NELL1: variants seen among roughly 807,000 people sequenced by gnomAD.
The protein encoded by NELL1 is neural EGFL like 1.
A neutral mutation model predicts 107.4 loss-of-function variants in NELL1; 76 were observed. That is an observed-to-expected ratio of 0.71 (90% CI 0.59 to 0.86). The LOEUF is 0.86. Among genes scored for constraint, NELL1 ranks in the 40% least tolerant of loss-of-function variants. NELL1 has a pLI of 0.00. For synonymous variants in NELL1, 353 were observed against 341.2 expected, an observed-to-expected ratio of 1.03 and a Z score of -0.38; for missense variants, 1,024 against 1,005.5, an observed-to-expected ratio of 1.02 and a Z score of -0.25.
chr11:21,001,987 C>G (rs1852232604), intron 12 of NELL1, among the ~76,000 whole-genome samples: 1 of 152,150 alleles, frequency 6.6e-6, no homozygotes, highest in South Asian at 2.1e-4. Context: ...GCCTTAGTAC[C>G]CCTGTAATAC....
intron 4 of NELL1, among the ~76,000 whole-genome samples, chr11:20,871,277 A>C (rs1267749797): frequency 6.6e-6 from 1 of 152,214 alleles, no homozygotes; most frequent in Non-Finnish European, 1.5e-5. Context: ...CCTGTGGCCC[A>C]AAGCCAGGCA....
intron 14 of NELL1, among the ~76,000 whole-genome samples, chr11:21,234,391 A>G (rs537274424): frequency 7.9e-5 from 12 of 152,302 alleles, no homozygotes; most frequent in African/African-American, 2.9e-4. Context: ...CTTCAGGCCC[A>G]TCTTGCCACT....
intron 14 of NELL1, among the ~76,000 whole-genome samples, chr11:21,288,329 T>G (rs1307857617): frequency 1.3e-5 from 2 of 152,206 alleles, no homozygotes; most frequent in Non-Finnish European, 2.9e-5. Flanking sequence ...AGGCTGCCTC[T>G]GTTTCCTGAG....
intron 12 of NELL1, among the ~76,000 whole-genome samples, chr11:21,089,501 C>T (rs1057266277): frequency 6.6e-6 from 1 of 152,130 alleles, no homozygotes; most frequent in Non-Finnish European, 1.5e-5. Flanking sequence ...AACAAACCCC[C>T]CTCAGTAGGA....
chr11:21,328,314 G>T (rs937124531), intron 14 of NELL1, among the ~76,000 whole-genome samples: 2 of 152,174 alleles, frequency 1.3e-5, no homozygotes, highest in Non-Finnish European at 2.9e-5. Flanking sequence ...TTGCTTTAGA[G>T]GGTGCAAGCC....
intron 10 of NELL1, among the ~76,000 whole-genome samples, chr11:20,943,017 A>T (rs1423526372): frequency 6.6e-6 from 1 of 150,948 alleles, no homozygotes; most frequent in Non-Finnish European, 1.5e-5. Context: ...TTACTGGCAC[A>T]TTGCAGTTGC....
At chr11:21,198,285 A>T (rs538288496) in intron 13 of NELL1, among the ~76,000 whole-genome samples, 1 of 152,340 alleles carries the variant, frequency 6.6e-6, no homozygotes, top group Non-Finnish European at 1.5e-5. Context: ...AAGCTGCCAG[A>T]CTTCTCACCT....
chr11:21,093,577 A>T (rs1437576465), intron 12 of NELL1, among the ~76,000 whole-genome samples: 3 of 152,186 alleles, frequency 2.0e-5, no homozygotes, highest in Admixed American at 6.6e-5. Context: ...GCTGATAAAG[A>T]CATACGAGAG....
chr11:21,495,698 G>A (rs1854959261), intron 15 of NELL1, among the ~76,000 whole-genome samples: 2 of 151,986 alleles, frequency 1.3e-5, no homozygotes, highest in South Asian at 4.1e-4. Context: ...GATTCAAGTT[G>A]TCCTGGTGGG....
chr11:21,361,963 A>G (rs1851086259), intron 14 of NELL1, among the ~76,000 whole-genome samples: 1 of 151,980 alleles, frequency 6.6e-6, no homozygotes, highest in Non-Finnish European at 1.5e-5. Flanking sequence ...TTAATAATCA[A>G]CCTTTCAAAT....
intron 15 of NELL1, among the ~76,000 whole-genome samples, chr11:21,514,966 C>G (rs1437072677): frequency 6.6e-6 from 1 of 152,064 alleles, no homozygotes; most frequent in Non-Finnish European, 1.5e-5. Flanking sequence ...GTGATAGAAT[C>G]CTTCTTAGAG....
At chr11:21,006,838 C>T (rs960115894) in intron 12 of NELL1, among the ~76,000 whole-genome samples, 4 of 152,072 alleles carry the variant, frequency 2.6e-5, no homozygotes, top group Non-Finnish European at 1.5e-5. Flanking sequence ...CACAGGGAAG[C>T]GGGCAGGCTG....
intron 12 of NELL1, among the ~76,000 whole-genome samples, chr11:21,077,029 A>G (rs1256986575): frequency 6.6e-6 from 1 of 152,146 alleles, no homozygotes; most frequent in Admixed American, 6.6e-5. Flanking sequence ...CTTTATAGCA[A>G]CACAATGAAC....
chr11:20,803,698 G>T (rs529399081), intron 3 of NELL1, among the ~76,000 whole-genome samples: 1 of 151,928 alleles, frequency 6.6e-6, no homozygotes, highest in African/African-American at 2.4e-5. Flanking sequence ...GGTTAATACC[G>T]AGTGTCAACT....
intron 5 of NELL1, among the ~76,000 whole-genome samples, chr11:20,910,741 T>A (rs1475353284): frequency 6.6e-6 from 1 of 152,224 alleles, no homozygotes; most frequent in African/African-American, 2.4e-5. Flanking sequence ...GAACTAGCTC[T>A]CATTCAGCAA....
rs190720243 is a variant in NELL1 at position 20,783,441 on chromosome 11, T to G, written c.185-239T>G. On this transcript the variant is annotated intron_variant, in intron 2 of 19. Coordinates refer to ENST00000357134, the MANE Select transcript of NELL1 (RefSeq NM_006157.5). ...TGACAGAGACAGCATTTCCGGGATT[T>G]GCATTGAATGAATGCAGCTGTAGGG... 2.6e-3 allele frequency among the ~76,000 whole-genome samples: 401 copies of G among 152,346 alleles called. 4 individuals are homozygous for G. Among genetic ancestry groups the G allele is most frequent in the East Asian group, 8.7e-3 (45 of 5,194 alleles).
At chr11:21,425,804 T>G (rs990332339) in intron 15 of NELL1, among the ~76,000 whole-genome samples, 17 of 152,316 alleles carry the variant, frequency 1.1e-4, no homozygotes, top group Non-Finnish European at 2.5e-4. Context: ...AGAGTTTGTT[T>G]GTGATAATGT....
chr11:20,849,287 T>C (rs1257681513), intron 4 of NELL1, among the ~76,000 whole-genome samples: 1 of 152,206 alleles, frequency 6.6e-6, no homozygotes, highest in Non-Finnish European at 1.5e-5. Flanking sequence ...TGCTATGCAG[T>C]TTTTTGTTTC....
At chr11:21,226,578 G>C (rs1857897999) in intron 13 of NELL1, among the ~76,000 whole-genome samples, 1 of 152,132 alleles carries the variant, frequency 6.6e-6, no homozygotes, top group African/African-American at 2.4e-5. Flanking sequence ...TGACTTCAGT[G>C]CTTGGCATTC....
Sources: allele counts gnomAD v4.1 joint callset (sites outside exome capture counted in the v4.1 genomes callset), GRCh38; gene constraint gnomAD v4.1.1; transcripts MANE v1.5; gene names NCBI Gene and HGNC (gene_info 2026-07-23, HGNC 2026-07-21).